The following CPE variants were observed in gnomAD, a reference collection of about 807,000 sequenced individuals.
CPE encodes carboxypeptidase E.
A neutral mutation model predicts 53.5 loss-of-function variants in CPE; 17 were observed. The ratio of observed to expected loss-of-function variants is 0.32; its 90% CI spans 0.22 to 0.48. The LOEUF is 0.48. Among genes scored for constraint, CPE ranks in the 20% least tolerant of loss-of-function variants. The probability of loss-of-function intolerance (pLI) is 0.99; values close to 1 mark genes in which losing one functional copy is unlikely to be tolerated. For missense variants in CPE, 524 were observed against 614.7 expected, an observed-to-expected ratio of 0.85 and a Z score of 1.56; for synonymous variants, 226 against 228.8, an observed-to-expected ratio of 0.99 and a Z score of 0.11.
intron 1 of CPE, among the ~76,000 whole-genome samples, chr4:165,390,869 G>A (rs754911351): frequency 9.9e-5 from 15 of 152,090 alleles, no homozygotes; most frequent in Non-Finnish European, 1.6e-4. Context: ...ACAACTCTAG[G>A]TTTCTCTCCA....
intron 1 of CPE, among the ~76,000 whole-genome samples, chr4:165,382,698 C>T (rs1422246202): frequency 6.6e-6 from 1 of 152,226 alleles, no homozygotes; most frequent in Non-Finnish European, 1.5e-5. Context: ...CTTTGTTAGA[C>T]TAGCAGTTTT....
intron 3 of CPE, among the ~76,000 whole-genome samples, chr4:165,474,740 A>G (rs1426632175): frequency 5.3e-5 from 8 of 152,186 alleles, no homozygotes; most frequent in Admixed American, 5.2e-4. Context: ...CCTAGAACCA[A>G]CCTTCATGTC....
Position 165,467,564 on chromosome 4 carries a change from G to A in CPE, c.505-124G>A, listed in dbSNP as rs1732129512. 4 of 877,990 alleles carry A rather than the reference G, an allele frequency of 4.6e-6. No homozygotes were observed. The South Asian group carries it at 7.7e-5, about 17-fold the overall frequency. The allele number at this position is 877,990 out of a possible 1,614,324, so 54.4% of individuals were successfully genotyped here. ...TAAAGTAGTGAAAATGCTGACATGG[G>A]AGGGCATTGTTGAAGTAAATAATCT... On this transcript the variant is annotated intron_variant, in intron 2 of 8. Transcript: ENST00000402744.
intron 1 of CPE, chr4:165,404,288 T>G (rs1730918635): frequency 7.8e-6 from 6 of 770,222 alleles, no homozygotes; most frequent in Non-Finnish European, 1.5e-5. Flanking sequence ...GATCCCCTCT[T>G]GCGGGCACGT....
chr4:165,461,658 A>G (rs1732009229), intron 1 of CPE, among the ~76,000 whole-genome samples: 1 of 152,196 alleles, frequency 6.6e-6, no homozygotes, highest in Admixed American at 6.5e-5. Flanking sequence ...AACATTGTCC[A>G]TTGCATGTCT....
chr4:165,469,919 C>A (rs1732172398), intron 3 of CPE, among the ~76,000 whole-genome samples: 2 of 152,284 alleles, frequency 1.3e-5, no homozygotes, highest in Middle Eastern at 6.8e-3. Flanking sequence ...ATCCAGGAGA[C>A]AGGGAGCCTT....
intron 8 of CPE, among the ~76,000 whole-genome samples, chr4:165,496,404 T>C (rs1003163432): frequency 9.2e-5 from 14 of 152,220 alleles, no homozygotes; most frequent in East Asian, 3.8e-4. Flanking sequence ...TATGTCTACA[T>C]TGGGCTGTAT....
chr4:165,468,369 C>G (rs924539980), intron 3 of CPE, among the ~76,000 whole-genome samples: 1 of 152,106 alleles, frequency 6.6e-6, no homozygotes, highest in Non-Finnish European at 1.5e-5. Context: ...CTTACCTGTA[C>G]TTTCAGTGTT....
chr4:165,407,427 G>A (rs559919153), intron 1 of CPE, among the ~76,000 whole-genome samples: 48 of 151,518 alleles, frequency 3.2e-4, no homozygotes, highest in Non-Finnish European at 6.2e-4. Flanking sequence ...TTTGAGATGG[G>A]GTCCGGCTAT....
At chr4:165,439,485 G>A (rs979932378) in intron 1 of CPE, among the ~76,000 whole-genome samples, 5 of 151,578 alleles carry the variant, frequency 3.3e-5, no homozygotes, top group African/African-American at 1.2e-4. Context: ...ATTCATGGAA[G>A]AGCCATCTGT....
At chr4:165,436,204 A>G (rs1731498364) in intron 1 of CPE, among the ~76,000 whole-genome samples, 1 of 152,106 alleles carries the variant, frequency 6.6e-6, no homozygotes. Flanking sequence ...ACACACACAC[A>G]CACACACACA....
rs778940259 is a variant in CPE, at chr4:165,379,308, G to A, written c.87G>A (p.Glu29=). 1.3e-6 allele frequency: 2 copies of A among 1,547,698 alleles called. No individual in the cohort carries two copies. The highest frequency in any genetic ancestry group is 1.9e-5 in the Admixed American group (1 of 51,858). ...GGCTCCTGGGCGCCGAAGCCCAGGA[G>A]CCCGGGGCGCCCGCGGCGGGCATGA... ...CGWLLGAEAQ[E]PGAPAAGMRR... The change falls in exon 1 of 9, where the codon GAG becomes GAA. Residue 29 remains glutamate (E), a synonymous_variant. Coordinates refer to ENST00000402744, the MANE Select transcript of CPE (RefSeq NM_001873.4). This position sits in a 1 kb window ranked among gnomAD's most constrained non-coding sequence, Gnocchi z 6.0.
intron 1 of CPE, among the ~76,000 whole-genome samples, chr4:165,387,374 A>G (rs1465416047): frequency 1.3e-5 from 2 of 152,226 alleles, no homozygotes; most frequent in Admixed American, 6.5e-5. Flanking sequence ...TTACTATCAA[A>G]TCATTGCTAA....
At chr4:165,430,269 A>G (rs1053521970) in intron 1 of CPE, among the ~76,000 whole-genome samples, 6 of 152,206 alleles carry the variant, frequency 3.9e-5, no homozygotes, top group Non-Finnish European at 7.3e-5. Flanking sequence ...TACATACTAC[A>G]GGACCTTCTT....
intron 1 of CPE, among the ~76,000 whole-genome samples, chr4:165,435,597 T>C (rs1731486817): frequency 6.6e-6 from 1 of 152,328 alleles, no homozygotes; most frequent in Admixed American, 6.5e-5. Flanking sequence ...CTATGACCTC[T>C]TATGTGCTTT....
intron 1 of CPE, among the ~76,000 whole-genome samples, chr4:165,426,642 G>T (rs13110900): frequency 0.3 from 44,978 of 152,118 alleles, 6,744 homozygotes; most frequent in Middle Eastern, 0.39. Flanking sequence ...AATGTCTTTT[G>T]TGTCTGTTTG....
intron 1 of CPE, among the ~76,000 whole-genome samples, chr4:165,428,805 C>T (rs1731362899): frequency 6.6e-6 from 1 of 152,162 alleles, no homozygotes; most frequent in Non-Finnish European, 1.5e-5. Context: ...CTTGTAATCT[C>T]CCTCTTACAA....
At chr4:165,386,834 A>G (rs1490919389) in intron 1 of CPE, among the ~76,000 whole-genome samples, 7 of 152,252 alleles carry the variant, frequency 4.6e-5, no homozygotes, top group African/African-American at 2.4e-5. Flanking sequence ...AAAACTAAGA[A>G]CTGTGTGCTT....
rs74778131 is a variant in CPE at position 165,385,898 on chromosome 4, T to A, written c.307+6370T>A. 2.6e-3 allele frequency among the ~76,000 whole-genome samples: 401 copies of A among 152,334 alleles called. 4 individuals are homozygous for A. Among genetic ancestry groups the A allele is most frequent in the African/African-American group, 8.6e-3 (357 of 41,586 alleles). On this transcript the variant is annotated intron_variant, in intron 1 of 8. Transcript: ENST00000402744. The stretch of plus-strand genomic sequence containing the variant: ...CTGACTAACTTAGTCTTTTACAGTC[T>A]CAGCAGAAGCAAAAGCTCTTTGAAA...
Sources: allele counts gnomAD v4.1 joint callset (sites outside exome capture counted in the v4.1 genomes callset), GRCh38; gene constraint gnomAD v4.1.1; non-coding constraint Gnocchi (gnomAD v3.1); transcripts MANE v1.5; gene names NCBI Gene and HGNC (gene_info 2026-07-23, HGNC 2026-07-21).